CCDC7: variants seen among roughly 807,000 people sequenced by gnomAD.
CCDC7 encodes the protein coiled-coil domain-containing protein 7.
A neutral mutation model predicts 196.9 loss-of-function variants in CCDC7; 183 were observed. That is an observed-to-expected ratio of 0.93 (90% confidence interval 0.82 to 1.05). The LOEUF is 1.05. Ranked by LOEUF, CCDC7 falls within the 50% of genes least tolerant of loss-of-function variation. CCDC7 has a pLI of 0.00. For synonymous variants in CCDC7, 525 were observed against 484.6 expected (o/e 1.08, Z -1.10); for missense variants, 1,540 against 1,482.2 (o/e 1.04, Z -0.64).
At chr10:32,468,330 T>C (rs989462345) in intron 5 of CCDC7, among the ~76,000 whole-genome samples, 2 of 152,158 alleles carry the variant, frequency 1.3e-5, no homozygotes, top group African/African-American at 4.8e-5. Flanking sequence ...TCCTAGGTAT[T>C]CTTTTTGTGG....
intron 18 of CCDC7, among the ~76,000 whole-genome samples, chr10:32,606,395 G>T (rs1376263198): frequency 6.6e-6 from 1 of 152,238 alleles, no homozygotes; most frequent in East Asian, 1.9e-4. Context: ...GTACTGCCTA[G>T]TGGAGTTATG....
chr10:32,614,607 C>T (rs2062573501), intron 18 of CCDC7, among the ~76,000 whole-genome samples: 1 of 152,254 alleles, frequency 6.6e-6, no homozygotes, highest in South Asian at 2.1e-4. Flanking sequence ...GTGTACCTCT[C>T]ACCTAAATAC....
chr10:32,830,143 C>CATATATATA (rs2091996967), intron 32 of CCDC7, among the ~76,000 whole-genome samples: 11 of 22,398 alleles, frequency 4.9e-4, no homozygotes, highest in East Asian at 1.4e-3. Flanking sequence ...TATATATATC[C>CATATATATA]TATTAGTTCT....
chr10:32,527,969 A>G (rs2048930481), intron 11 of CCDC7, among the ~76,000 whole-genome samples: 1 of 152,092 alleles, frequency 6.6e-6, no homozygotes, highest in Non-Finnish European at 1.5e-5. Flanking sequence ...TAAGTTCTCC[A>G]TCACTCAAAT....
chr10:32,751,201 C>T (rs2075601325), intron 28 of CCDC7, among the ~76,000 whole-genome samples: 1 of 151,822 alleles, frequency 6.6e-6, no homozygotes, highest in Non-Finnish European at 1.5e-5. Context: ...TAAATTTCTG[C>T]AGTCCTCTAT....
intron 13 of CCDC7, among the ~76,000 whole-genome samples, chr10:32,545,887 CAG>C (rs2052359893): frequency 9.8e-6 from 1 of 101,768 alleles, no homozygotes; most frequent in South Asian, 3.3e-4. Context: ...GCCTGGGCAA[CAG>C]AGCAAAACTC....
At chr10:32,789,853 AG>A (rs1175044612) in intron 29 of CCDC7, among the ~76,000 whole-genome samples, 1 of 152,240 alleles carries the variant, frequency 6.6e-6, no homozygotes, top group Admixed American at 6.5e-5. Context: ...AGAATAGAAT[AG>A]GCATTGCCAT....
intron 33 of CCDC7, among the ~76,000 whole-genome samples, chr10:32,838,048 C>T (rs1046337601): frequency 6.6e-6 from 1 of 151,956 alleles, no homozygotes; most frequent in Admixed American, 6.6e-5. Flanking sequence ...ACGTTGTGCA[C>T]ATGTACCTTA....
At chr10:32,705,986 A>G (rs545894808) in intron 24 of CCDC7, among the ~76,000 whole-genome samples, 3 of 152,266 alleles carry the variant, frequency 2.0e-5, no homozygotes, top group East Asian at 3.9e-4. Context: ...ACATCTACAG[A>G]ACTTTCCACC....
At chr10:32,879,263 T>C (rs964778868), downstream of CCDC7, among the ~76,000 whole-genome samples, 1 of 152,180 alleles carries the variant, frequency 6.6e-6, no homozygotes, top group South Asian at 2.1e-4. Context: ...ATTGCATCCA[T>C]AGCAGGACAA....
chr10:32,452,426 A>T (rs987268019), intron 1 of CCDC7, among the ~76,000 whole-genome samples: 1 of 152,198 alleles, frequency 6.6e-6, no homozygotes, highest in Non-Finnish European at 1.5e-5. Flanking sequence ...CTGCATTTCT[A>T]CTATGTTAAA....
At chr10:32,674,266 T>G (rs2074557033) in intron 21 of CCDC7, among the ~76,000 whole-genome samples, 1 of 151,952 alleles carries the variant, frequency 6.6e-6, no homozygotes, top group Non-Finnish European at 1.5e-5. Context: ...TGCTGTAAGT[T>G]TTGGTATATT....
chr10:32,577,920 T>G (rs1024283775), intron 16 of CCDC7, among the ~76,000 whole-genome samples: 1 of 152,180 alleles, frequency 6.6e-6, no homozygotes, highest in Non-Finnish European at 1.5e-5. Context: ...AGGCTAGCAG[T>G]CACTGGCATG....
intron 24 of CCDC7, among the ~76,000 whole-genome samples, chr10:32,699,936 C>T (rs181012478): frequency 0.01 from 1,528 of 148,880 alleles, 208 homozygotes; most frequent in African/African-American, 0.036. Context: ...TTGAGTTCAT[C>T]GTAGATTCTG....
chr10:32,881,990 T>C (rs963935562), downstream of CCDC7, among the ~76,000 whole-genome samples: 7 of 152,258 alleles, frequency 4.6e-5, no homozygotes, highest in South Asian at 2.1e-4. Flanking sequence ...AACTAGATGA[T>C]TGGACTCTAC....
At chr10:32,814,039 C>A (rs566274973) in intron 30 of CCDC7, among the ~76,000 whole-genome samples, 1 of 152,232 alleles carries the variant, frequency 6.6e-6, no homozygotes, top group South Asian at 2.1e-4. Context: ...CTCACTGCAA[C>A]CTCCGACTCC....
chr10:32,578,934 G>A (rs2058484586), intron 16 of CCDC7, among the ~76,000 whole-genome samples: 1 of 152,074 alleles, frequency 6.6e-6, no homozygotes, highest in South Asian at 2.1e-4. Context: ...ATGTTTCTTC[G>A]GTGTTGATCA....
At chr10:32,748,106 C>T (rs1012593263) in intron 28 of CCDC7, among the ~76,000 whole-genome samples, 14 of 152,142 alleles carry the variant, frequency 9.2e-5, no homozygotes, top group African/African-American at 3.1e-4. Flanking sequence ...CAAATTAATG[C>T]AGGAACAGAA....
Position 32,581,686 on chromosome 10 carries a change from TA to T in CCDC7, c.1455-1347del, listed in dbSNP as rs2058743806. On this transcript the variant is annotated intron_variant, in intron 16 of 41. Coordinates refer to ENST00000639629, the Ensembl canonical transcript of CCDC7. ...GAACGTGGGAATATGGTTATAAATG[TA>T]CAGTATATTAGCATTTAAGGCATTG... Among the ~76,000 whole-genome samples, 7 of 152,180 alleles carry T rather than the reference TA, an allele frequency of 4.6e-5. No homozygotes were observed. In the South Asian group the frequency reaches 1.4e-3, roughly 32 times the overall value.
Sources: allele counts gnomAD v4.1 joint callset (sites outside exome capture counted in the v4.1 genomes callset), GRCh38; gene constraint gnomAD v4.1.1; transcripts MANE v1.5; gene names NCBI Gene and HGNC (gene_info 2026-07-23, HGNC 2026-07-21).